PREX1: variants seen among roughly 807,000 people sequenced by gnomAD.
PREX1 encodes phosphatidylinositol-3,4,5-trisphosphate dependent Rac exchange factor 1.
Under a neutral mutation model 198.3 loss-of-function variants are expected in PREX1, and 41 were observed. That is an observed-to-expected ratio of 0.21 (90% confidence interval 0.16 to 0.27). The LOEUF (loss-of-function observed/expected upper bound fraction) is 0.27, where lower values mean the gene tolerates loss of function less well. Among genes scored for constraint, PREX1 ranks in the 10% least tolerant of loss-of-function variants. The probability of loss-of-function intolerance (pLI) is 1.00; values close to 1 mark genes in which losing one functional copy is unlikely to be tolerated. For missense variants in PREX1, 1,620 were observed against 2,200.7 expected, an observed-to-expected ratio of 0.74 and a Z score of 5.28; for synonymous variants, 843 against 887.2, an observed-to-expected ratio of 0.95 and a Z score of 0.89.
chr20:48,783,340 G>A (rs1408135835), intron 1 of PREX1, among the ~76,000 whole-genome samples: 3 of 152,142 alleles, frequency 2.0e-5, no homozygotes, highest in Non-Finnish European at 4.4e-5. Flanking sequence ...TTTGGCCTGA[G>A]CAAGTGGAAG....
At chr20:48,775,318 G>C (rs913618994) in intron 1 of PREX1, among the ~76,000 whole-genome samples, 3 of 151,992 alleles carry the variant, frequency 2.0e-5, no homozygotes, top group Non-Finnish European at 4.4e-5. Context: ...GAAAGGGAGA[G>C]ATAAAGCAAG....
At chr20:48,710,812 C>G (rs2089927111) in intron 5 of PREX1, among the ~76,000 whole-genome samples, 1 of 152,226 alleles carries the variant, frequency 6.6e-6, no homozygotes, top group Admixed American at 6.5e-5. Flanking sequence ...GAACAGCACT[C>G]CAGGAAGGAG....
At chr20:48,848,306 G>A in the PREX1 span, among the ~76,000 whole-genome samples, 1 of 149,964 alleles carries the variant, frequency 6.7e-6, no homozygotes, top group Non-Finnish European at 1.5e-5. Flanking sequence ...CCAGTCTGGA[G>A]TCCAGTGGCA....
intron 32 of PREX1, among the ~76,000 whole-genome samples, chr20:48,635,113 C>T (rs6066790): frequency 0.075 from 11,432 of 152,276 alleles, 522 homozygotes; most frequent in South Asian, 0.13. Flanking sequence ...TCCTCAACCT[C>T]CCCCAGTCGG....
chr20:48,796,752 T>C (rs1225055091), intron 1 of PREX1, among the ~76,000 whole-genome samples: 1 of 149,126 alleles, frequency 6.7e-6, no homozygotes, highest in Non-Finnish European at 1.5e-5. Flanking sequence ...ATATGCGTAA[T>C]TATATATACA....
At chr20:48,748,468 C>T (rs1043918885) in intron 1 of PREX1, among the ~76,000 whole-genome samples, 1 of 151,956 alleles carries the variant, frequency 6.6e-6, no homozygotes, top group African/African-American at 2.4e-5. Context: ...CACACATACA[C>T]ATCTATTCCT....
intron 1 of PREX1, among the ~76,000 whole-genome samples, chr20:48,750,644 G>A (rs1030657635): frequency 4.6e-5 from 7 of 152,042 alleles, no homozygotes; most frequent in African/African-American, 1.4e-4. Context: ...TCATCCATCC[G>A]GCCTTAGTTC....
chr20:48,738,104 G>A (rs2090064947), intron 3 of PREX1, among the ~76,000 whole-genome samples: 1 of 152,218 alleles, frequency 6.6e-6, no homozygotes, highest in Non-Finnish European at 1.5e-5. Flanking sequence ...TCTCCACAGA[G>A]ATGAAGGGAA....
chr20:48,817,300 G>T (rs1038440329), intron 1 of PREX1, among the ~76,000 whole-genome samples: 1 of 152,202 alleles, frequency 6.6e-6, no homozygotes, highest in African/African-American at 2.4e-5. Flanking sequence ...AATGTCCAGG[G>T]CAAGGGACCA....
Position 48,740,787 on chromosome 20 carries a change from G to A in PREX1, c.414+4238C>T, listed in dbSNP as rs187568175. Among the ~76,000 whole-genome samples the A allele has an allele frequency of 6.6e-5, 10 of 152,318 alleles. No individual in the cohort carries two copies. In the East Asian group the frequency reaches 1.5e-3, roughly 23 times the overall value. ...AGAACGCTGGCTCCTTTTTCAATAG[G>A]TCCAGTTAGCTCAAGGAGGGTCTTA... On this transcript the variant is annotated intron_variant, in intron 3 of 39. Coordinates refer to ENST00000371941, the MANE Select transcript of PREX1 (RefSeq NM_020820.4).
At chr20:48,758,896 A>G (rs1331529019) in intron 1 of PREX1, among the ~76,000 whole-genome samples, 1 of 152,072 alleles carries the variant, frequency 6.6e-6, no homozygotes, top group East Asian at 1.9e-4. Context: ...TCTATTATCC[A>G]TCTAGCCCAC....
At chr20:48,683,957 C>T (rs1227603617) in intron 10 of PREX1, among the ~76,000 whole-genome samples, 2 of 151,968 alleles carry the variant, frequency 1.3e-5, no homozygotes, top group African/African-American at 4.8e-5. Flanking sequence ...TGGGGAGGGG[C>T]GCTGGCATGC....
chr20:48,629,724 G>GCAGGAACAGCTGGA, intron 36 of PREX1, 103 bp from the exon 37 acceptor site: 2 of 1,302,490 alleles, frequency 1.5e-6, no homozygotes, highest in Non-Finnish European at 2.2e-6. Context: ...TAATCCAGCT[G>GCAGGAACAGCTGGA]TTCCTGCAGC....
chr20:48,805,394 G>A (rs2090407275), intron 1 of PREX1, among the ~76,000 whole-genome samples: 1 of 152,250 alleles, frequency 6.6e-6, no homozygotes, highest in South Asian at 2.1e-4. Context: ...CCAAGGCCAG[G>A]CTGCAGACAC....
intron 1 of PREX1, among the ~76,000 whole-genome samples, chr20:48,806,693 G>A (rs989320998): frequency 3.3e-5 from 5 of 152,134 alleles, no homozygotes; most frequent in African/African-American, 7.2e-5. Context: ...ACATACCAGC[G>A]CCTCTCAGAC....
chr20:48,673,588 GC>G (rs1248311766), intron 14 of PREX1, among the ~76,000 whole-genome samples: 1 of 152,168 alleles, frequency 6.6e-6, no homozygotes, highest in Non-Finnish European at 1.5e-5. Context: ...GCTCCTCTGG[GC>G]TCTGACTGAA....
chr20:48,746,723 T>C (rs1402494800), intron 2 of PREX1, among the ~76,000 whole-genome samples: 1 of 151,908 alleles, frequency 6.6e-6, no homozygotes, highest in Admixed American at 6.6e-5. Context: ...GCACTAAGGT[T>C]TGCACCCTTT....
intron 1 of PREX1, among the ~76,000 whole-genome samples, chr20:48,826,133 G>A (rs186396029): frequency 6.6e-6 from 1 of 151,536 alleles, no homozygotes; most frequent in East Asian, 2.0e-4. Flanking sequence ...GGACCCCAGA[G>A]TCTCCCTCTT....
In PREX1 at chr20:48,627,657, G is replaced by A. The variant is rs766610711; in HGVS notation, c.4870-42C>T. 3.1e-6 allele frequency: 5 copies of A among 1,597,524 alleles called. No individual in the cohort carries two copies. The South Asian group carries it at 4.4e-5, about 14-fold the overall frequency. On this transcript the variant is annotated intron_variant, in intron 38 of 39. Transcript: ENST00000371941. ...TCAGGCAGGGGCCTCTGCAGGTTCA[G>A]GGCACGTGAGGAAGCACACTGGGGG...
Sources: allele counts gnomAD v4.1 joint callset (sites outside exome capture counted in the v4.1 genomes callset), GRCh38; gene constraint gnomAD v4.1.1; transcripts MANE v1.5; gene names NCBI Gene and HGNC (gene_info 2026-07-23, HGNC 2026-07-21).